The following MBNL2 variants were observed in gnomAD, a reference collection of about 807,000 sequenced individuals.
MBNL2 encodes the protein muscleblind like splicing regulator 2.
Under a neutral mutation model 41.9 loss-of-function variants are expected in MBNL2, and 17 were observed. The ratio of observed to expected loss-of-function variants is 0.41; its 90% CI spans 0.28 to 0.61. MBNL2 has a LOEUF of 0.61. Among genes scored for constraint, MBNL2 ranks in the 20% least tolerant of loss-of-function variants. The pLI is 0.35. For missense variants in MBNL2, 336 were observed against 505.6 expected, an observed-to-expected ratio of 0.66 and a Z score of 3.22; for synonymous variants, 195 against 182.9, an observed-to-expected ratio of 1.07 and a Z score of -0.53.
At chr13:97,298,190 TAAATAAATAA>T (rs1018464883) in intron 2 of MBNL2, among the ~76,000 whole-genome samples, 2 of 151,046 alleles carry the variant, frequency 1.3e-5, no homozygotes, top group Non-Finnish European at 3.0e-5. Context: ...AATAATAATA[TAAATAAATAA>T]AAATAAATAA....
intron 2 of MBNL2, among the ~76,000 whole-genome samples, chr13:97,285,345 G>A (rs1267112127): frequency 6.6e-6 from 1 of 152,136 alleles, no homozygotes; most frequent in African/African-American, 2.4e-5. Flanking sequence ...CAAATAAAAA[G>A]GAAGGTGATA....
intron 2 of MBNL2, among the ~76,000 whole-genome samples, chr13:97,292,511 TA>T (rs1207701381): frequency 1.1e-4 from 17 of 152,234 alleles, no homozygotes; most frequent in Admixed American, 2.6e-4. Flanking sequence ...CCAGTCTCCT[TA>T]ACTTTTTCTT....
At chr13:97,278,194 C>T (rs934870098) in intron 2 of MBNL2, among the ~76,000 whole-genome samples, 1 of 129,518 alleles carries the variant, frequency 7.7e-6, no homozygotes, top group African/African-American at 3.0e-5. Flanking sequence ...GCAGAGGTTG[C>T]AGTGAGCCAA....
At chr13:97,221,781 C>T (rs1433424591), upstream of MBNL2, among the ~76,000 whole-genome samples, 1 of 152,208 alleles carries the variant, frequency 6.6e-6, no homozygotes, top group Non-Finnish European at 1.5e-5. Context: ...TACAGGAAAC[C>T]TGTGTGTGCC....
At chr13:97,340,522 C>T (rs978500678) in intron 3 of MBNL2, among the ~76,000 whole-genome samples, 5 of 152,094 alleles carry the variant, frequency 3.3e-5, no homozygotes, top group Non-Finnish European at 7.4e-5. Flanking sequence ...TTAATGAGAG[C>T]TGCTTTTTAC....
chr13:97,253,815 A>G (rs972484382), intron 1 of MBNL2, among the ~76,000 whole-genome samples: 15 of 152,030 alleles, frequency 9.9e-5, no homozygotes, highest in East Asian at 5.8e-4. Flanking sequence ...TTACAATACA[A>G]TGTTATATTG....
intron 2 of MBNL2, among the ~76,000 whole-genome samples, chr13:97,295,114 C>A (rs2056818490): frequency 6.6e-6 from 1 of 152,134 alleles, no homozygotes; most frequent in African/African-American, 2.4e-5. Flanking sequence ...CATGATAGCC[C>A]TCTACAAATG....
At chr13:97,154,564 C>T in the MBNL2 span, among the ~76,000 whole-genome samples, 2 of 152,082 alleles carry the variant, frequency 1.3e-5, no homozygotes, top group African/African-American at 2.4e-5. Flanking sequence ...AATCTGCCTG[C>T]CTTGGCCTCC....
chr13:97,144,319 T>C, the MBNL2 span, among the ~76,000 whole-genome samples: 10 of 152,084 alleles, frequency 6.6e-5, no homozygotes, highest in Non-Finnish European at 1.3e-4. Flanking sequence ...CGTAGGATCC[T>C]GATACTGCCT....
At chr13:97,343,247 C>G (rs749069863) in intron 4 of MBNL2, 31 bp downstream of exon 4, 3 of 1,472,718 alleles carry the variant, frequency 2.0e-6, no homozygotes, top group African/African-American at 2.8e-5. Flanking sequence ...TTTTGACATG[C>G]ATTTGTGGTA....
the MBNL2 span, among the ~76,000 whole-genome samples, chr13:97,160,517 T>C: frequency 6.6e-6 from 1 of 152,046 alleles, no homozygotes; most frequent in South Asian, 2.1e-4. Flanking sequence ...GAAAATGAGG[T>C]GACACTAAAT....
intron 8 of MBNL2, among the ~76,000 whole-genome samples, chr13:97,371,337 A>G (rs2064355099): frequency 1.3e-5 from 2 of 152,142 alleles, no homozygotes; most frequent in African/African-American, 2.4e-5. Flanking sequence ...CTCCCCCAGC[A>G]AGAAGTACTT....
the MBNL2 span, among the ~76,000 whole-genome samples, chr13:97,210,888 C>A: frequency 6.6e-6 from 1 of 151,992 alleles, no homozygotes; most frequent in African/African-American, 2.4e-5. Flanking sequence ...GGGACTCAGT[C>A]CAGTTCCTGG....
At position 97,334,148 on chromosome 13, in the gene MBNL2, CCACACACACACA is replaced by C. The variant is rs34820289; in HGVS notation, c.175-111_175-100del. 5.7e-4 allele frequency: 313 copies of C among 547,430 alleles called. 1 individual carries two copies. Among genetic ancestry groups the C allele is most frequent in the Non-Finnish European group, 7.1e-4 (223 of 312,022 alleles). 33.9% of individuals were successfully genotyped at this position (547,430 alleles called of 1,614,324 possible). On this transcript the variant is annotated intron_variant, in intron 2 of 8. Coordinates refer to ENST00000679496, the MANE Select transcript of MBNL2 (RefSeq NM_001382683.1). This position sits in a 1 kb window ranked among gnomAD's most constrained non-coding sequence, Gnocchi z 5.3. ...AACACATGAGCATGCGCGCGCACAC[CCACACACACACA>C]CACACACACACACACAGGATCCTTG...
chr13:97,273,377 G>A (rs1487743358), intron 1 of MBNL2, among the ~76,000 whole-genome samples: 3 of 152,168 alleles, frequency 2.0e-5, no homozygotes. Context: ...ACAAGTCCAG[G>A]CTGGTCTATG....
intron 2 of MBNL2, among the ~76,000 whole-genome samples, chr13:97,324,451 T>C (rs16954031): frequency 0.037 from 5,648 of 152,220 alleles, 327 homozygotes; most frequent in African/African-American, 0.12. Context: ...ATAAAAATGT[T>C]TCATGGGATT....
intron 2 of MBNL2, among the ~76,000 whole-genome samples, chr13:97,297,444 G>A (rs1053795551): frequency 2.6e-5 from 4 of 152,074 alleles, no homozygotes; most frequent in Non-Finnish European, 4.4e-5. Flanking sequence ...CAGGGGTTGC[G>A]GAGGTCAGAA....
At position 97,263,417 on chromosome 13, in the gene MBNL2, C is replaced by A. The variant is rs186233941; in HGVS notation, c.-604-12215C>A. On this transcript the variant is annotated intron_variant, in intron 1 of 8. Transcript: ENST00000679496. ...TTACACCTGGGCCTACTTAGTGATACTTAGGCAGACAAAGCCCCTATGTCA... is the reference window on the plus strand; with the variant it reads ...TTACACCTGGGCCTACTTAGTGATAATTAGGCAGACAAAGCCCCTATGTCA... Among the ~76,000 whole-genome samples the A allele has an allele frequency of 1.3e-5, 2 of 152,150 alleles. 1 individual carries two copies. The highest frequency in any genetic ancestry group is 4.1e-4 in the South Asian group (2 of 4,824).
chr13:97,252,599 T>G (rs1745118789), intron 1 of MBNL2, among the ~76,000 whole-genome samples: 1 of 152,182 alleles, frequency 6.6e-6, no homozygotes, highest in South Asian at 2.1e-4. Flanking sequence ...CAGTTAGCAT[T>G]ATTTCAAGCT....
Sources: gnomAD v4.1 joint callset for allele counts (sites outside exome capture counted in the v4.1 genomes callset) on GRCh38, gnomAD v4.1.1 for gene constraint, Gnocchi (gnomAD v3.1) non-coding constraint, MANE v1.5 for transcripts, NCBI Gene and HGNC (gene_info 2026-07-23, HGNC 2026-07-21) for gene names.